The following MARCHF6 variants were observed in gnomAD, a reference collection of about 807,000 sequenced individuals.
MARCHF6 encodes membrane associated ring-CH-type finger 6.
In MARCHF6, 31 loss-of-function variants were observed where a neutral mutation model predicts 133.7. That is an observed-to-expected ratio of 0.23 (90% CI 0.17 to 0.31). The LOEUF (loss-of-function observed/expected upper bound fraction) is 0.31. MARCHF6 is among the 10% of genes least tolerant of loss of function. The pLI is 1.00. For synonymous variants in MARCHF6, 395 were observed against 402.5 expected (o/e 0.98, Z 0.22); for missense variants, 723 against 1,121.6 (o/e 0.64, Z 5.08).
At chr5:10,412,244 A>G (rs1037263087) in intron 19 of MARCHF6, among the ~76,000 whole-genome samples, 1 of 152,166 alleles carries the variant, frequency 6.6e-6, no homozygotes, top group Non-Finnish European at 1.5e-5. Flanking sequence ...AGTGTCTATG[A>G]TTGATATTTT....
chr5:10,363,859 A>C (rs1320315777), intron 1 of MARCHF6, among the ~76,000 whole-genome samples: 1 of 152,226 alleles, frequency 6.6e-6, no homozygotes, highest in African/African-American at 2.4e-5. Flanking sequence ...GTCACAAAAG[A>C]ACATATTTTC....
intron 1 of MARCHF6, among the ~76,000 whole-genome samples, chr5:10,356,787 CCCTT>C (rs1735503047): frequency 1.3e-5 from 2 of 152,270 alleles, no homozygotes; most frequent in East Asian, 1.9e-4. Context: ...AGTAAGTCTT[CCCTT>C]CCTTTTAAAA....
At chr5:10,404,115 G>T (rs1738727838) in intron 15 of MARCHF6, among the ~76,000 whole-genome samples, 1 of 150,488 alleles carries the variant, frequency 6.6e-6, no homozygotes, top group Non-Finnish European at 1.5e-5. Flanking sequence ...TTGCTCTGTT[G>T]CCCAGGCTGG....
rs1160128018 is a variant in MARCHF6, at chr5:10,438,519, C to T, written c.*4835C>T. On this transcript the variant is annotated 3_prime_UTR_variant, in exon 26 of 26. Transcript: ENST00000274140. ...GAAACTGGCCATTAATTTCCCCCTT[C>T]CGCTCCACAGTTCATAGCTACTCTT... 1 of 152,198 alleles carries T rather than the reference C, an allele frequency of 6.6e-6. No individual in the cohort carries two copies. The highest frequency in any genetic ancestry group is 1.5e-5 in the Non-Finnish European group (1 of 68,038). 9.4% of individuals were successfully genotyped at this position (152,198 alleles called of 1,614,324 possible).
intron 22 of MARCHF6, among the ~76,000 whole-genome samples, chr5:10,418,588 G>A (rs1478284579): frequency 1.3e-5 from 2 of 152,160 alleles, no homozygotes; most frequent in East Asian, 3.8e-4. Flanking sequence ...AGGCTTTTTA[G>A]CTTTGTTTTT....
intron 1 of MARCHF6, among the ~76,000 whole-genome samples, chr5:10,357,235 G>A (rs1378237930): frequency 6.8e-6 from 1 of 146,048 alleles, no homozygotes; most frequent in Non-Finnish European, 1.5e-5. Context: ...TTTTTTTAAA[G>A]GAAAAGCAGT....
chr5:10,410,452 G>T (rs1739153779), intron 18 of MARCHF6, among the ~76,000 whole-genome samples, 176 bp downstream of exon 18: 2 of 151,170 alleles, frequency 1.3e-5, no homozygotes, highest in South Asian at 2.1e-4. Context: ...TTTTCTTATT[G>T]TCCATCCTTT....
At chr5:10,373,856 T>A (rs1736609219) in intron 1 of MARCHF6, among the ~76,000 whole-genome samples, 1 of 152,114 alleles carries the variant, frequency 6.6e-6, no homozygotes, top group Non-Finnish European at 1.5e-5. Flanking sequence ...ATCCACAGTA[T>A]TGTTGTGAAT....
At chr5:10,406,271 C>T (rs1014600119) in intron 16 of MARCHF6, among the ~76,000 whole-genome samples, 4 of 152,158 alleles carry the variant, frequency 2.6e-5, no homozygotes, top group African/African-American at 7.2e-5. Flanking sequence ...GTCTGAATTA[C>T]GTTTAATTTG....
Position 10,436,846 on chromosome 5 carries a change from T to G in MARCHF6, c.*3162T>G, listed in dbSNP as rs1339438669. ...CTGGAGAAACAATGAAGATGGGCCA[T>G]CTCAATTCCAGATGTAAACAAAAAG... On this transcript the variant is annotated 3_prime_UTR_variant, in exon 26 of 26. Coordinates refer to ENST00000274140, the MANE Select transcript of MARCHF6 (RefSeq NM_005885.4). 2.0e-5 allele frequency: 3 copies of G among 152,274 alleles called. No homozygotes were observed. Among genetic ancestry groups the G allele is most frequent in the Non-Finnish European group, 4.4e-5 (3 of 68,044 alleles). 9.4% of individuals were successfully genotyped at this position (152,274 alleles called of 1,614,324 possible).
At chr5:10,432,295 C>A (rs923648330) in intron 25 of MARCHF6, among the ~76,000 whole-genome samples, 1 of 152,168 alleles carries the variant, frequency 6.6e-6, no homozygotes, top group Non-Finnish European at 1.5e-5. Flanking sequence ...GTGGGACTGT[C>A]GGTCTCATTT....
chr5:10,370,204 A>C, intron 1 of MARCHF6, among the ~76,000 whole-genome samples: 1 of 145,790 alleles, frequency 6.9e-6, no homozygotes, highest in East Asian at 2.0e-4. Context: ...GGGCTCAAGC[A>C]ATCTTTCTGC....
intron 5 of MARCHF6, among the ~76,000 whole-genome samples, chr5:10,387,668 A>T (rs1390316256): frequency 1.3e-5 from 2 of 151,940 alleles, no homozygotes; most frequent in East Asian, 1.9e-4. Context: ...TGTTCACAAA[A>T]GTTTTTTTGT....
chr5:10,376,858 C>T (rs953403777), intron 1 of MARCHF6, among the ~76,000 whole-genome samples: 1 of 152,126 alleles, frequency 6.6e-6, no homozygotes, highest in Non-Finnish European at 1.5e-5. Flanking sequence ...TGTAGTAAGT[C>T]GTCGTTAAGG....
chr5:10,364,918 C>G (rs890269066), intron 1 of MARCHF6, among the ~76,000 whole-genome samples: 7 of 152,148 alleles, frequency 4.6e-5, no homozygotes, highest in Admixed American at 2.0e-4. Context: ...ATTCTCCTGC[C>G]TCAGCCTCCT....
intron 25 of MARCHF6, among the ~76,000 whole-genome samples, chr5:10,432,665 A>G (rs1280734174): frequency 1.3e-5 from 2 of 152,214 alleles, no homozygotes; most frequent in Admixed American, 6.5e-5. Context: ...AACTACAGTA[A>G]CATCTGCCTT....
chr5:10,422,215 G>T (rs1429733335), intron 22 of MARCHF6, among the ~76,000 whole-genome samples: 2 of 152,196 alleles, frequency 1.3e-5, no homozygotes, highest in African/African-American at 2.4e-5. Flanking sequence ...AAAGCACTGG[G>T]CAAAACGGAA....
intron 11 of MARCHF6, chr5:10,401,567 G>T (rs1197259764): frequency 6.4e-6 from 1 of 156,688 alleles, no homozygotes; most frequent in African/African-American, 2.4e-5. Flanking sequence ...ATACCGACAG[G>T]CACTGTTACT....
intron 19 of MARCHF6, among the ~76,000 whole-genome samples, chr5:10,411,889 A>G (rs577756809): frequency 6.6e-6 from 1 of 152,194 alleles, no homozygotes; most frequent in Non-Finnish European, 1.5e-5. Context: ...TGTAGGCGAT[A>G]ATTTCATGTT....
Sources: allele counts gnomAD v4.1 joint callset (sites outside exome capture counted in the v4.1 genomes callset), GRCh38; gene constraint gnomAD v4.1.1; transcripts MANE v1.5; gene names NCBI Gene and HGNC (gene_info 2026-07-23, HGNC 2026-07-21).